NXPH1: variants seen among roughly 807,000 people sequenced by gnomAD.
The protein encoded by NXPH1 is neurexophilin 1, also known as neurexophilin-1.
Under a neutral mutation model 23.7 loss-of-function variants are expected in NXPH1, and 5 were observed. The observed-to-expected ratio is 0.21, with a 90% CI of 0.11 to 0.44. The LOEUF (loss-of-function observed/expected upper bound fraction) is 0.44. Among genes scored for constraint, NXPH1 ranks in the 20% least tolerant of loss-of-function variants. NXPH1 has a pLI of 0.99. For missense variants in NXPH1, 324 were observed against 321.6 expected (o/e 1.01, Z -0.06); for synonymous variants, 144 against 122.2 (o/e 1.18, Z -1.18).
At chr7:8,509,810 G>A (rs373691720) in intron 2 of NXPH1, among the ~76,000 whole-genome samples, 3 of 152,242 alleles carry the variant, frequency 2.0e-5, no homozygotes, top group East Asian at 3.9e-4. Context: ...TGTGAAAAAT[G>A]TCTCATCAAT....
intron 2 of NXPH1, among the ~76,000 whole-genome samples, chr7:8,522,933 G>A (rs768020724): frequency 1.3e-5 from 2 of 152,232 alleles, no homozygotes; most frequent in Non-Finnish European, 2.9e-5. Flanking sequence ...TGGCTATGGA[G>A]ACAGATGAAC....
intron 2 of NXPH1, among the ~76,000 whole-genome samples, chr7:8,458,442 G>T (rs888239419): frequency 2.6e-5 from 4 of 152,148 alleles, no homozygotes; most frequent in Non-Finnish European, 5.9e-5. Context: ...TTTGGGTAAG[G>T]CTTAGAATGT....
Position 8,651,195 on chromosome 7 carries a change from C to G in NXPH1, c.55-99813C>G, listed in dbSNP as rs550381420. ...TGTCCATGTGTTCTCATTGTTCAAT[C>G]CCACCTATGAGTGAGAATATGCGGT... On this transcript the variant is annotated intron_variant, in intron 2 of 2. Coordinates refer to ENST00000405863, the MANE Select transcript of NXPH1 (RefSeq NM_152745.3). Among the ~76,000 whole-genome samples, 277 of 128,212 alleles carry G rather than the reference C, an allele frequency of 2.2e-3. 1 individual carries two copies. The highest frequency in any genetic ancestry group is 2.6e-3 in the Non-Finnish European group (156 of 59,938). The allele number at this position is 128,212 out of a possible 152,430, so 84.1% of individuals were successfully genotyped here. A position where few individuals can be genotyped will look rare whatever the true frequency, so the allele number is the denominator to read the frequency against.
chr7:8,495,758 T>C (rs1817322883), intron 2 of NXPH1, among the ~76,000 whole-genome samples: 2 of 152,038 alleles, frequency 1.3e-5, no homozygotes, highest in Non-Finnish European at 2.9e-5. Flanking sequence ...ATCTGAAATA[T>C]GTTCCTTGCA....
At chr7:8,518,409 T>A (rs1251191576) in intron 2 of NXPH1, among the ~76,000 whole-genome samples, 1 of 151,680 alleles carries the variant, frequency 6.6e-6, no homozygotes, top group African/African-American at 2.4e-5. Context: ...ACCTAACACA[T>A]AAAATTATTA....
chr7:8,632,610 G>A (rs1226238418), intron 2 of NXPH1, among the ~76,000 whole-genome samples: 1 of 152,092 alleles, frequency 6.6e-6, no homozygotes, highest in African/African-American at 2.4e-5. Context: ...TGTTCTTATC[G>A]CCTTATGATT....
intron 2 of NXPH1, among the ~76,000 whole-genome samples, chr7:8,579,867 A>T (rs1047967143): frequency 2.0e-5 from 3 of 152,192 alleles, no homozygotes; most frequent in Non-Finnish European, 4.4e-5. Flanking sequence ...ATTGGGGGGC[A>T]TCTAGGGATC....
chr7:8,676,209 A>G (rs552363770), intron 2 of NXPH1, among the ~76,000 whole-genome samples: 33 of 152,288 alleles, frequency 2.2e-4, no homozygotes, highest in Admixed American at 3.9e-4. Context: ...ATAACTCCCT[A>G]CGTCTAAGAT....
At chr7:8,742,194 C>G (rs1480209768) in intron 2 of NXPH1, among the ~76,000 whole-genome samples, 2 of 152,056 alleles carry the variant, frequency 1.3e-5, no homozygotes, top group African/African-American at 4.8e-5. Context: ...AGTAAAGACA[C>G]TTTTGGGTAT....
intron 2 of NXPH1, among the ~76,000 whole-genome samples, chr7:8,719,573 A>G (rs1460930743): frequency 5.9e-5 from 9 of 152,202 alleles, no homozygotes; most frequent in Admixed American, 5.9e-4. Flanking sequence ...TATTTGGTGG[A>G]TAACCATTTG....
intron 2 of NXPH1, among the ~76,000 whole-genome samples, chr7:8,705,662 T>A (rs1779691848): frequency 6.6e-6 from 1 of 152,134 alleles, no homozygotes; most frequent in Admixed American, 6.5e-5. Flanking sequence ...TTGAAGCAAA[T>A]CAACGTAGCC....
At chr7:8,636,162 A>G (rs1820215222) in intron 2 of NXPH1, among the ~76,000 whole-genome samples, 1 of 152,140 alleles carries the variant, frequency 6.6e-6, no homozygotes, top group Non-Finnish European at 1.5e-5. Flanking sequence ...GTTTGTGCTT[A>G]CATACTCAGG....
At chr7:8,734,700 T>G (rs976682574) in intron 2 of NXPH1, among the ~76,000 whole-genome samples, 1 of 152,196 alleles carries the variant, frequency 6.6e-6, no homozygotes, top group Non-Finnish European at 1.5e-5. Context: ...TGTAAATGCC[T>G]CTTAGGTCCT....
At chr7:8,563,165 A>T (rs1818477152) in intron 2 of NXPH1, among the ~76,000 whole-genome samples, 1 of 151,792 alleles carries the variant, frequency 6.6e-6, no homozygotes. Flanking sequence ...TCTATCACAC[A>T]TTGCAAAGAA....
chr7:8,545,631 G>C (rs561407163), intron 2 of NXPH1, among the ~76,000 whole-genome samples: 24 of 151,484 alleles, frequency 1.6e-4, no homozygotes, highest in African/African-American at 5.3e-4. Context: ...GCAACTCTCT[G>C]CTCAGTTAGG....
chr7:8,468,373 A>G (rs1004054445), intron 2 of NXPH1, among the ~76,000 whole-genome samples: 2 of 152,110 alleles, frequency 1.3e-5, no homozygotes, highest in Admixed American at 1.3e-4. Flanking sequence ...TTCACATTTT[A>G]TCTTGAAAAA....
rs990251633 is a variant in NXPH1 at position 8,468,812 on chromosome 7, G to T, written c.54+33045G>T. ...AGATTTGAGCGACTATTCTAGTTGT[G>T]CTAGTGTAAAAGACAGTGTAAAAAA... On this transcript the variant is annotated intron_variant, in intron 2 of 2. Transcript: ENST00000405863. Among the ~76,000 whole-genome samples the T allele has an allele frequency of 3.3e-5, 5 of 152,094 alleles. 1 individual carries two copies. Among genetic ancestry groups the T allele is most frequent in the Admixed American group, 3.3e-4 (5 of 15,266 alleles).
intron 2 of NXPH1, among the ~76,000 whole-genome samples, chr7:8,621,057 C>G (rs1004103968): frequency 1.6e-4 from 25 of 152,248 alleles, no homozygotes; most frequent in African/African-American, 5.8e-4. Context: ...AAGACATCAT[C>G]TTTGCTGTCA....
At position 8,544,764 on chromosome 7, in the gene NXPH1, C is replaced by G. The variant is rs148157034; in HGVS notation, c.54+108997C>G. 4.4e-4 allele frequency among the ~76,000 whole-genome samples: 67 copies of G among 151,706 alleles called. 1 individual carries two copies. In the East Asian group the frequency reaches 0.011, roughly 25 times the overall value. ...AAGAGTGGTTTTCATCATTTACAAA[C>G]CAACATATATCTATTCTAGACATGA... On this transcript the variant is annotated intron_variant, in intron 2 of 2. Coordinates refer to ENST00000405863, the MANE Select transcript of NXPH1 (RefSeq NM_152745.3).
Sources: gnomAD v4.1 joint callset for allele counts (sites outside exome capture counted in the v4.1 genomes callset) on GRCh38, gnomAD v4.1.1 for gene constraint, MANE v1.5 for transcripts, NCBI Gene and HGNC (gene_info 2026-07-23, HGNC 2026-07-21) for gene names.